Variants in GSE1 observed in about 807,000 individuals in gnomAD.
The protein encoded by GSE1 is Gse1 coiled-coil protein.
GSE1 carries 32 observed loss-of-function variants against 112.6 expected under a neutral mutation model. That is an observed-to-expected ratio of 0.28 (90% CI 0.21 to 0.38). GSE1 has a LOEUF of 0.38. Among genes scored for constraint, GSE1 ranks in the 10% least tolerant of loss-of-function variants. The pLI, the probability that GSE1 is intolerant of heterozygous loss-of-function variation, is 1.00. For missense variants in GSE1, 2,348 were observed against 1,699.2 expected (o/e 1.38, Z -6.71); for synonymous variants, 1,115 against 735.6 (o/e 1.52, Z -8.35).
intron 1 of GSE1, among the ~76,000 whole-genome samples, chr16:85,623,445 C>T (rs1299617791): frequency 6.6e-6 from 1 of 152,220 alleles, no homozygotes. Context: ...TCAGGCCATG[C>T]GGTGCCCTGG....
At chr16:85,264,061 C>A (rs1485926552) in intron 1 of GSE1, among the ~76,000 whole-genome samples, 1 of 152,100 alleles carries the variant, frequency 6.6e-6, no homozygotes, top group African/African-American at 2.4e-5. Context: ...TTAGCACTAC[C>A]AGATACAGAA....
chr16:85,628,005 C>CT (rs2049222995), intron 1 of GSE1, among the ~76,000 whole-genome samples: 1 of 152,142 alleles, frequency 6.6e-6, no homozygotes, highest in Non-Finnish European at 1.5e-5. Flanking sequence ...GGGCAGCAGC[C>CT]TTGAAGTGAT....
chr16:85,309,387 A>G (rs2045767375), intron 1 of GSE1, among the ~76,000 whole-genome samples: 1 of 151,998 alleles, frequency 6.6e-6, no homozygotes, highest in African/African-American at 2.4e-5. Context: ...CCAGCTCCTC[A>G]GGAGGCTGAG....
intron 2 of GSE1, among the ~76,000 whole-genome samples, chr16:85,544,011 T>G (rs1179680756): frequency 6.6e-6 from 1 of 152,158 alleles, no homozygotes; most frequent in Non-Finnish European, 1.5e-5. Context: ...TTAATTGTAT[T>G]TTTTGTAGAG....
At chr16:85,266,160 C>T (rs1908222707) in intron 1 of GSE1, among the ~76,000 whole-genome samples, 1 of 152,154 alleles carries the variant, frequency 6.6e-6, no homozygotes, top group South Asian at 2.1e-4. Flanking sequence ...TGACAGGGGC[C>T]TCCCTCCCCA....
intron 2 of GSE1, among the ~76,000 whole-genome samples, chr16:85,540,423 G>A (rs781105518): frequency 5.9e-5 from 9 of 152,152 alleles, no homozygotes; most frequent in African/African-American, 1.4e-4. Flanking sequence ...GTCTCCTATC[G>A]GATCCCCAAC....
intron 2 of GSE1, among the ~76,000 whole-genome samples, chr16:85,515,268 C>T (rs577331971): frequency 1.1e-3 from 161 of 152,334 alleles, no homozygotes; most frequent in African/African-American, 3.8e-3. Context: ...GGGTCCTGCA[C>T]TCCAGCCCGG....
chr16:85,627,697 C>T (rs1039648564), intron 1 of GSE1, among the ~76,000 whole-genome samples: 3 of 152,188 alleles, frequency 2.0e-5, no homozygotes, highest in East Asian at 1.9e-4. Flanking sequence ...GGCCCTCATC[C>T]GTCACAGGCC....
chr16:85,228,827 A>G (rs2075533512), intron 1 of GSE1, among the ~76,000 whole-genome samples: 1 of 152,230 alleles, frequency 6.6e-6, no homozygotes, highest in African/African-American at 2.4e-5. Context: ...GTGCAGCAAG[A>G]TTTGAGGCCA....
chr16:85,578,850 C>A (rs1242988711), intron 1 of GSE1, among the ~76,000 whole-genome samples: 1 of 152,072 alleles, frequency 6.6e-6, no homozygotes, highest in Non-Finnish European at 1.5e-5. Context: ...GGTCACTCAC[C>A]CATCCTGCAC....
intron 1 of GSE1, among the ~76,000 whole-genome samples, chr16:85,263,357 G>A (rs1161230823): frequency 2.6e-5 from 4 of 152,066 alleles, no homozygotes; most frequent in Non-Finnish European, 4.4e-5. Flanking sequence ...CCAGAGAGCC[G>A]GGGAATCAGG....
intron 1 of GSE1, among the ~76,000 whole-genome samples, chr16:85,247,166 T>C: frequency 6.6e-6 from 1 of 152,188 alleles, no homozygotes; most frequent in Non-Finnish European, 1.5e-5. Context: ...GTGGTTTCTC[T>C]GGTCACAAGT....
At chr16:85,339,912 T>G (rs969888468) in intron 1 of GSE1, among the ~76,000 whole-genome samples, 5 of 152,152 alleles carry the variant, frequency 3.3e-5, no homozygotes, top group Non-Finnish European at 7.4e-5. Context: ...CACTGCCAAG[T>G]CCTCAGTGCC....
At chr16:85,357,570 G>A (rs2046975527) in exon 2 of GSE1, 3 of 1,288,590 alleles carry the variant, frequency 2.3e-6, no homozygotes, top group Non-Finnish European at 3.0e-6. Flanking sequence ...GCCCCAGGAT[G>A]GCCCAGGAGC....
rs377652136 is a variant in GSE1, at chr16:85,672,585, C to A, written c.*46C>A. ...CGAACCTATAGTATAGAAATATTAT[C>A]TATTTTATTACCTTGAATATTTAAT... On this transcript the variant is annotated 3_prime_UTR_variant, in exon 16 of 16. Transcript: ENST00000253458. The A allele has an allele frequency of 7.5e-7, 1 of 1,329,590 alleles. No individual in the cohort carries two copies. Among genetic ancestry groups the A allele is most frequent in the Non-Finnish European group, 1.0e-6 (1 of 968,760 alleles). 82.4% of individuals were successfully genotyped at this position (1,329,590 alleles called of 1,614,324 possible).
In GSE1 at chr16:85,672,284, C is replaced by G. The variant is rs573686905; in HGVS notation, c.3520-121C>G. On this transcript the variant is annotated intron_variant, in intron 15 of 15. Coordinates refer to ENST00000253458, the MANE Select transcript of GSE1 (RefSeq NM_014615.5). ...TGCTGGGATTACAGGCGTGAGCCAC[C>G]ACGCCCGGCCGGGACATTTTCAAAT... 1.2e-4 allele frequency: 92 copies of G among 736,630 alleles called. No homozygotes were observed. The African/African-American group carries it at 1.4e-3, about 11-fold the overall frequency. The allele number at this position is 736,630 out of a possible 1,614,324, so 45.6% of individuals were successfully genotyped here. A position where few individuals can be genotyped will look rare whatever the true frequency, so the allele number is the denominator to read the frequency against.
At chr16:85,426,517 G>T (rs1241742457) in intron 2 of GSE1, among the ~76,000 whole-genome samples, 1 of 77,760 alleles carries the variant, frequency 1.3e-5, no homozygotes, top group Non-Finnish European at 2.7e-5. Context: ...TGGAAGAGTG[G>T]GTGGAAGGGT....
At chr16:85,302,450 C>A (rs900869813) in intron 1 of GSE1, among the ~76,000 whole-genome samples, 29 of 51,696 alleles carry the variant, frequency 5.6e-4, no homozygotes, top group African/African-American at 3.2e-3. Context: ...AGCACACCGC[C>A]CCCCCCCGCC....
At chr16:85,330,519 C>T (rs966833403) in intron 1 of GSE1, among the ~76,000 whole-genome samples, 12 of 152,326 alleles carry the variant, frequency 7.9e-5, no homozygotes, top group Non-Finnish European at 1.5e-4. Context: ...TTACAGCAGC[C>T]GCAGAACACA....
Sources: allele counts gnomAD v4.1 joint callset (sites outside exome capture counted in the v4.1 genomes callset), GRCh38; gene constraint gnomAD v4.1.1; transcripts MANE v1.5; gene names NCBI Gene and HGNC (gene_info 2026-07-23, HGNC 2026-07-21).